The following LTBP2 variants were observed in gnomAD, a reference collection of about 807,000 sequenced individuals.
LTBP2 encodes the protein latent transforming growth factor beta binding protein 2.
A neutral mutation model predicts 210.6 loss-of-function variants in LTBP2; 103 were observed. The observed-to-expected ratio is 0.49, with a 90% CI of 0.42 to 0.58. The LOEUF is 0.58. Among genes scored for constraint, LTBP2 ranks in the 20% least tolerant of loss-of-function variants. The pLI, the probability that LTBP2 is intolerant of heterozygous loss-of-function variation, is 0.00. For missense variants in LTBP2, 2,313 were observed against 2,494.5 expected (o/e 0.93, Z 1.55); for synonymous variants, 1,007 against 1,015.0 (o/e 0.99, Z 0.15).
intron 16 of LTBP2, 101 bp from the exon 17 acceptor site, chr14:74,522,140 G>A: frequency 7.3e-7 from 1 of 1,364,688 alleles, no homozygotes; most frequent in Non-Finnish European, 1.0e-6. Flanking sequence ...GGCAGGGGAT[G>A]GTGCTGTGTG....
At chr14:74,511,385 C>T (rs762279295) in intron 18 of LTBP2, 21 bp from the exon 19 acceptor site, 1 of 1,613,706 alleles carries the variant, frequency 6.2e-7, no homozygotes, top group Non-Finnish European at 8.5e-7. Context: ...GCAGCCCCTC[C>T]CTTGGTCATC....
intron 3 of LTBP2, among the ~76,000 whole-genome samples, chr14:74,581,466 C>A (rs2088135362): frequency 1.3e-5 from 2 of 152,046 alleles, no homozygotes; most frequent in African/African-American, 4.8e-5. Context: ...GCCAAAGAGG[C>A]AGGCAGAGGG....
chr14:74,509,110 A>T, intron 22 of LTBP2, 128 bp downstream of exon 22: 1 of 1,576,258 alleles, frequency 6.3e-7, no homozygotes, highest in East Asian at 2.2e-5. Context: ...CAAGCTTGTG[A>T]GCGACTCTTG....
rs764632148 is a variant in LTBP2, at chr14:74,508,695, T to C, written c.3561A>G (p.Ala1187=). The C allele has an allele frequency of 1.9e-6, 3 of 1,613,386 alleles. No homozygotes were observed. The highest frequency in any genetic ancestry group is 4.5e-5 in the East Asian group (2 of 44,864). Residue 1187 remains alanine (A), a synonymous_variant, in exon 24 of 36, where the codon GCA becomes GCG. Transcript: ENST00000261978. ...GGCTGTTGAGGCACTCGCCGTGGGGTGCGCAGTGCTCCTCCCCCATGCACT... is the reference window on the plus strand; with the variant it reads ...GGCTGTTGAGGCACTCGCCGTGGGGCGCGCAGTGCTCCTCCCCCATGCACT... The part of the protein sequence containing the change: ...VNECMGEEHC[A]PHGECLNSHG...
chr14:74,549,987 A>C (rs981180626), intron 7 of LTBP2, 22 bp from the exon 8 acceptor site: 1 of 1,443,370 alleles, frequency 6.9e-7, no homozygotes, highest in African/African-American at 1.4e-5. Context: ...GGCCATGGAC[A>C]CCTGTGACCA....
intron 4 of LTBP2, among the ~76,000 whole-genome samples, chr14:74,554,832 A>T (rs918268663): frequency 1.3e-5 from 2 of 151,798 alleles, no homozygotes; most frequent in Admixed American, 1.3e-4. Context: ...TTCAATTTTT[A>T]AAATGGAAAA....
intron 2 of LTBP2, among the ~76,000 whole-genome samples, chr14:74,589,242 G>A (rs1023068081): frequency 7.2e-5 from 11 of 152,198 alleles, no homozygotes; most frequent in South Asian, 2.1e-4. Flanking sequence ...TGTCTGACAC[G>A]GAAAGTAGAA....
At chr14:74,505,837 C>T (rs768805699) in intron 28 of LTBP2, among the ~76,000 whole-genome samples, 12 of 152,156 alleles carry the variant, frequency 7.9e-5, no homozygotes, top group Non-Finnish European at 1.8e-4. Flanking sequence ...CCTCTAGGAT[C>T]GTCGCCACCC....
At position 74,603,688 on chromosome 14, in the gene LTBP2, C is replaced by T. The variant is rs758885924; in HGVS notation, c.512G>A (p.Gly171Glu). ...TGTTGTCCATCCTGGGCAGCACTGT[C>T]CCCCGCAGACGTTCCTCCTGTGGGG... ...GRLTGRNVCG[G>E]QCCPGWTTAN... is the part of the protein sequence containing the mutation. Residue 171 changes from glycine (G) to glutamate (E), a missense_variant, in exon 2 of 36, where the codon GGA becomes GAA. Gly to Glu is a moderately conservative substitution (Grantham distance 98, BLOSUM62 -2). This residue lies in a region of LTBP2 where 1,867 missense variants were observed against 1,976.9 expected (regional missense o/e 0.94). Coordinates refer to ENST00000261978, the MANE Select transcript of LTBP2 (RefSeq NM_000428.3). 1.2e-6 allele frequency: 2 copies of T among 1,614,148 alleles called. No homozygotes were observed. The highest frequency in any genetic ancestry group is 1.7e-6 in the Non-Finnish European group (2 of 1,180,018).
chr14:74,596,742 G>T (rs2088370481), intron 2 of LTBP2, among the ~76,000 whole-genome samples: 2 of 152,204 alleles, frequency 1.3e-5, no homozygotes, highest in African/African-American at 4.8e-5. Flanking sequence ...CTGAGTGAGA[G>T]GAAGGTGTCC....
chr14:74,513,761 C>T (rs1437444751), intron 18 of LTBP2, among the ~76,000 whole-genome samples: 2 of 152,184 alleles, frequency 1.3e-5, no homozygotes, highest in African/African-American at 2.4e-5. Context: ...GCCAAGATCA[C>T]ACCACTGCAC....
chr14:74,510,365 C>T lies in LTBP2; in HGVS notation c.3029-152G>A, dbSNP rs555732891. 9 of 1,138,366 alleles carry T rather than the reference C, an allele frequency of 7.9e-6. No homozygotes were observed. In the East Asian group the frequency reaches 2.3e-4, roughly 29 times the overall value. 70.5% of individuals were successfully genotyped at this position (1,138,366 alleles called of 1,614,324 possible). A position where few individuals can be genotyped will look rare whatever the true frequency, so the allele number is the denominator to read the frequency against. Reference sequence around the variant, plus strand: ...GGGAGGCCATGAGGCCATGCTCCCTCCTCCCACCTAGGCAGGGCAGGGCGT... The same window carrying T: ...GGGAGGCCATGAGGCCATGCTCCCTTCTCCCACCTAGGCAGGGCAGGGCGT... On this transcript the variant is annotated intron_variant, in intron 19 of 35. Coordinates refer to ENST00000261978, the MANE Select transcript of LTBP2 (RefSeq NM_000428.3).
intron 1 of LTBP2, among the ~76,000 whole-genome samples, chr14:74,608,551 A>G (rs2088559103): frequency 6.6e-6 from 1 of 151,804 alleles, no homozygotes; most frequent in African/African-American, 2.4e-5. Context: ...TCTACTAAAA[A>G]TACAAAAAAT....
rs571314005 is a variant in LTBP2 at position 74,506,921 on chromosome 14, T to A, written c.3908-98A>T. ...CTCACTCTCTCACACGCATGCACACTCTCTCGTTCTCTGCTGAGAATACTT... is the reference window on the plus strand; with the variant it reads ...CTCACTCTCTCACACGCATGCACACACTCTCGTTCTCTGCTGAGAATACTT... On this transcript the variant is annotated intron_variant, in intron 26 of 35. Transcript: ENST00000261978. 9.0e-6 allele frequency: 14 copies of A among 1,559,846 alleles called. No homozygotes were observed. The African/African-American group carries it at 1.6e-4, about 18-fold the overall frequency.
chr14:74,588,689 G>A (rs2088242093), intron 2 of LTBP2, among the ~76,000 whole-genome samples: 1 of 152,150 alleles, frequency 6.6e-6, no homozygotes, highest in African/African-American at 2.4e-5. Flanking sequence ...TGTCTGATGA[G>A]TGTGACAATA....
rs2088211800 is a variant in LTBP2, at chr14:74,586,823, C to CA, written c.566-706dup. On this transcript the variant is annotated intron_variant, in intron 2 of 35. Transcript: ENST00000261978. The surrounding 1 kb of genome is among the most constrained non-coding windows in gnomAD (Gnocchi z 4.6). ...AACTCTCGACTGCGGCCAGAGAAAG[C>CA]ACGGTGGCCAGAATATAGCTGCCGG... is the stretch of plus-strand genomic sequence containing the variant. Among the ~76,000 whole-genome samples, 1 of 152,156 alleles carries CA rather than the reference C, an allele frequency of 6.6e-6. No homozygotes were observed. The highest frequency in any genetic ancestry group is 6.5e-5 in the Admixed American group (1 of 15,280).
At chr14:74,560,246 G>A (rs547106313) in intron 3 of LTBP2, among the ~76,000 whole-genome samples, 18 of 152,220 alleles carry the variant, frequency 1.2e-4, no homozygotes, top group Non-Finnish European at 1.9e-4. Context: ...AAAAAGAAAC[G>A]TTTGAATAAG....
chr14:74,555,621 G>A lies in LTBP2; in HGVS notation c.903C>T (p.His301=), dbSNP rs199598767. Residue 301 remains histidine (H), a synonymous_variant, in exon 4 of 36, where the codon CAC becomes CAT. Coordinates refer to ENST00000261978, the MANE Select transcript of LTBP2 (RefSeq NM_000428.3). ...GCTGGCTACTGGCCGTGGCAGTCGG[G>A]TGAAGTCGGACAGTGCGGGACAACC... ...HVGLSRTVRL[H]PTATASSQLS... 1.9e-6 allele frequency: 3 copies of A among 1,609,444 alleles called. No homozygotes were observed. The East Asian group carries it at 6.7e-5, about 36-fold the overall frequency.
intron 34 of LTBP2, 152 bp downstream of exon 34, chr14:74,502,501 T>G (rs2086922001): frequency 2.0e-6 from 2 of 1,010,424 alleles, no homozygotes; most frequent in Non-Finnish European, 3.0e-6. Context: ...TATGTACTTG[T>G]CTCAAGCGAG....
Sources: gnomAD v4.1 joint callset for allele counts (sites outside exome capture counted in the v4.1 genomes callset) on GRCh38, gnomAD v4.1.1 for gene constraint, gnomAD v4.1.1 regional missense constraint, Gnocchi (gnomAD v3.1) non-coding constraint, MANE v1.5 for transcripts, NCBI Gene and HGNC (gene_info 2026-07-23, HGNC 2026-07-21) for gene names.